PHF24: variants seen among roughly 807,000 people sequenced by gnomAD.
PHF24 encodes the protein PHD finger protein 24.
In PHF24, 25 loss-of-function variants were observed where a neutral mutation model predicts 42.6. The observed-to-expected ratio is 0.59, with a 90% CI of 0.43 to 0.82. The LOEUF is 0.82. Ranked by LOEUF, PHF24 falls within the 40% of genes least tolerant of loss-of-function variation. PHF24 has a pLI of 0.00. For synonymous variants in PHF24, 185 were observed against 204.8 expected (o/e 0.90, Z 0.83); for missense variants, 470 against 538.1 (o/e 0.87, Z 1.25).
the PHF24 span, among the ~76,000 whole-genome samples, chr9:34,941,611 A>G: frequency 6.6e-6 from 1 of 152,276 alleles, no homozygotes; most frequent in African/African-American, 2.4e-5. Flanking sequence ...ACAGAAATTT[A>G]TTTCTTACAG....
At chr9:34,909,462 A>C in the PHF24 span, among the ~76,000 whole-genome samples, 1 of 151,360 alleles carries the variant, frequency 6.6e-6, no homozygotes, top group East Asian at 1.9e-4. Flanking sequence ...CAAATGCTCA[A>C]TTCCTGTATG....
chr9:34,738,677 G>T, the PHF24 span, among the ~76,000 whole-genome samples: 4 of 152,176 alleles, frequency 2.6e-5, no homozygotes, highest in African/African-American at 4.8e-5. Flanking sequence ...ATGGACATGG[G>T]ACCCAGTTCT....
At chr9:34,829,608 A>G in the PHF24 span, among the ~76,000 whole-genome samples, 1 of 152,220 alleles carries the variant, frequency 6.6e-6, no homozygotes, top group African/African-American at 2.4e-5. Context: ...TATAGCACTC[A>G]TCACAAAGAT....
the PHF24 span, among the ~76,000 whole-genome samples, chr9:34,704,370 T>C: frequency 1.2e-4 from 18 of 152,240 alleles, no homozygotes; most frequent in African/African-American, 4.1e-4. Context: ...CCTCTATATC[T>C]GTATCAAAGA....
At chr9:34,758,075 T>C in the PHF24 span, among the ~76,000 whole-genome samples, 1 of 152,120 alleles carries the variant, frequency 6.6e-6, no homozygotes, top group Admixed American at 6.5e-5. The surrounding 1 kb of genome is among the most constrained non-coding windows in gnomAD (Gnocchi z 4.4). Context: ...ACATCGCAAG[T>C]CTGCTTGGCT....
the PHF24 span, among the ~76,000 whole-genome samples, chr9:34,878,365 T>C: frequency 1.3e-5 from 2 of 152,120 alleles, no homozygotes; most frequent in East Asian, 3.9e-4. Flanking sequence ...TCACTAGGGC[T>C]TGTCGGACAG....
the PHF24 span, among the ~76,000 whole-genome samples, chr9:34,669,285 A>G: frequency 6.6e-6 from 1 of 152,056 alleles, no homozygotes; most frequent in African/African-American, 2.4e-5. Flanking sequence ...TTGGATTCAC[A>G]ACATGAACTC....
At chr9:34,941,136 C>T in the PHF24 span, among the ~76,000 whole-genome samples, 3 of 152,114 alleles carry the variant, frequency 2.0e-5, no homozygotes, top group African/African-American at 4.8e-5. Context: ...GGTTCCTAGA[C>T]GCATGTATTC....
intron 5 of PHF24, 62 bp from the exon 6 acceptor site, chr9:34,977,021 C>A: frequency 6.6e-7 from 1 of 1,513,588 alleles, no homozygotes. Context: ...AGATAGGATT[C>A]TCTATGGCTT....
At chr9:34,974,339 G>T (rs1218160382) in intron 3 of PHF24, among the ~76,000 whole-genome samples, 6 of 152,112 alleles carry the variant, frequency 3.9e-5, no homozygotes, top group Non-Finnish European at 7.4e-5. Flanking sequence ...CTTCTTACTT[G>T]ATCTCTCTGA....
the PHF24 span, chr9:34,895,833 C>A: frequency 1.0e-5 from 4 of 397,438 alleles, no homozygotes; most frequent in African/African-American, 4.1e-5. Context: ...GGATCCAAAT[C>A]ACCAGACTGC....
the PHF24 span, chr9:34,833,032 G>A: frequency 1.9e-6 from 3 of 1,551,416 alleles, no homozygotes; most frequent in African/African-American, 4.1e-5. Context: ...GGGGTGTCTT[G>A]TTTGGAAGCA....
At chr9:34,963,484 C>A (rs1296580277) in intron 1 of PHF24, among the ~76,000 whole-genome samples, 1 of 152,176 alleles carries the variant, frequency 6.6e-6, no homozygotes, top group Non-Finnish European at 1.5e-5. Context: ...TTGTTGACCA[C>A]CTTGAAATTT....
At chr9:34,739,762 T>A in the PHF24 span, among the ~76,000 whole-genome samples, 1 of 152,130 alleles carries the variant, frequency 6.6e-6, no homozygotes, top group Non-Finnish European at 1.5e-5. Flanking sequence ...TTCCACACTG[T>A]GGAAGGATAC....
In PHF24 at chr9:34,962,946, T is replaced by C. The variant is rs574127963; in HGVS notation, c.-5+4545T>C. On this transcript the variant is annotated intron_variant, in intron 1 of 7. Coordinates refer to ENST00000242315, the Ensembl canonical transcript of PHF24. ...GCTGAGGCCAGAAAGACAGTTTTTC[T>C]GTCTAGCCTTTCTGTTCCTTGGAAA... 1.4e-4 allele frequency among the ~76,000 whole-genome samples: 21 copies of C among 152,378 alleles called. No homozygotes were observed. In the South Asian group the frequency reaches 4.3e-3, roughly 32 times the overall value.
At chr9:34,766,746 G>A in the PHF24 span, among the ~76,000 whole-genome samples, 44 of 152,314 alleles carry the variant, frequency 2.9e-4, no homozygotes, top group African/African-American at 1.0e-3. Context: ...CTGGTGAGGA[G>A]CTGCATTCCT....
At chr9:34,846,668 C>A in the PHF24 span, among the ~76,000 whole-genome samples, 3 of 152,284 alleles carry the variant, frequency 2.0e-5, no homozygotes, top group South Asian at 2.1e-4. Flanking sequence ...ACATGAAGTC[C>A]TTGCCCATGC....
chr9:34,865,883 C>A, the PHF24 span, among the ~76,000 whole-genome samples: 3 of 152,202 alleles, frequency 2.0e-5, no homozygotes, highest in Non-Finnish European at 4.4e-5. Flanking sequence ...TAGTTCCTGG[C>A]CATGTGGGGC....
the PHF24 span, among the ~76,000 whole-genome samples, chr9:34,702,018 G>T: frequency 6.6e-6 from 1 of 152,026 alleles, no homozygotes; most frequent in Admixed American, 6.6e-5. Context: ...CTCATTACGG[G>T]GCCAACGCTA....
Sources: allele counts gnomAD v4.1 joint callset (sites outside exome capture counted in the v4.1 genomes callset), GRCh38; gene constraint gnomAD v4.1.1; non-coding constraint Gnocchi (gnomAD v3.1); transcripts MANE v1.5; gene names NCBI Gene and HGNC (gene_info 2026-07-23, HGNC 2026-07-21).